SPATA9: variants seen among roughly 807,000 people sequenced by gnomAD.
SPATA9 encodes spermatogenesis-associated protein 9.
In SPATA9, 27 loss-of-function variants were observed where a neutral mutation model predicts 25.5. The observed-to-expected ratio is 1.06, with a 90% CI of 0.78 to 1.46. The LOEUF is 1.46. Among genes scored for constraint, SPATA9 ranks in the 40% most tolerant of loss-of-function variants. The pLI, the probability that SPATA9 is intolerant of heterozygous loss-of-function variation, is 0.00. For synonymous variants in SPATA9, 102 were observed against 105.7 expected (o/e 0.97, Z 0.21); for missense variants, 282 against 297.5 (o/e 0.95, Z 0.38).
At chr5:95,672,455 G>T (rs1169855595) in intron 3 of SPATA9, among the ~76,000 whole-genome samples, 22 of 143,214 alleles carry the variant, frequency 1.5e-4, no homozygotes, top group Non-Finnish European at 2.5e-4. Context: ...GCCAAAAGAG[G>T]TTTTTTTTTT....
At chr5:95,672,293 C>G (rs1356612191) in intron 3 of SPATA9, among the ~76,000 whole-genome samples, 3 of 152,036 alleles carry the variant, frequency 2.0e-5, no homozygotes, top group African/African-American at 7.2e-5. Flanking sequence ...ATTAGAATTC[C>G]AGGCTTTCCC....
chr5:95,717,604 T>G, the SPATA9 span: 5 of 152,202 alleles, frequency 3.3e-5, no homozygotes, highest in South Asian at 6.2e-4. Flanking sequence ...GAAAATATCC[T>G]GTCTCATTCT....
At chr5:95,667,971 G>T (rs1465051538) in intron 3 of SPATA9, among the ~76,000 whole-genome samples, 1 of 152,086 alleles carries the variant, frequency 6.6e-6, no homozygotes, top group Non-Finnish European at 1.5e-5. Context: ...TGAAGTGCTG[G>T]TTTCCCCTTT....
the SPATA9 span, among the ~76,000 whole-genome samples, chr5:95,711,892 C>T: frequency 6.6e-6 from 1 of 152,224 alleles, no homozygotes; most frequent in Non-Finnish European, 1.5e-5. Flanking sequence ...CGCCACACGG[C>T]TTGAACAATT....
At chr5:95,730,776 TG>T in the SPATA9 span, 3 of 401,220 alleles carry the variant, frequency 7.5e-6, no homozygotes, top group South Asian at 3.5e-5. Context: ...GCAAATTAAT[TG>T]GTGTGTGAAC....
the SPATA9 span, among the ~76,000 whole-genome samples, chr5:95,715,195 A>C: frequency 6.6e-6 from 1 of 151,890 alleles, no homozygotes; most frequent in Non-Finnish European, 1.5e-5. Context: ...GTGGTGGTGC[A>C]TGCCTGTAGT....
the SPATA9 span, chr5:95,719,888 TAA>T: frequency 6.6e-6 from 1 of 152,210 alleles, no homozygotes; most frequent in South Asian, 2.1e-4. Flanking sequence ...ATAGTTCTAA[TAA>T]AAGTGTTTAT....
the SPATA9 span, among the ~76,000 whole-genome samples, chr5:95,728,997 A>C: frequency 6.6e-6 from 1 of 152,220 alleles, no homozygotes; most frequent in African/African-American, 2.4e-5. Context: ...AAGTTACCCT[A>C]TATGGTCTAA....
chr5:95,728,600 A>G, the SPATA9 span, among the ~76,000 whole-genome samples: 1 of 152,294 alleles, frequency 6.6e-6, no homozygotes, highest in Non-Finnish European at 1.5e-5. Flanking sequence ...GCCTAGGTCT[A>G]GGAACTAGAA....
At chr5:95,720,335 C>T in the SPATA9 span, among the ~76,000 whole-genome samples, 17 of 151,376 alleles carry the variant, frequency 1.1e-4, no homozygotes, top group East Asian at 2.3e-3. Flanking sequence ...GATCAATTCA[C>T]TTCCTGCAAT....
At chr5:95,724,828 A>T in the SPATA9 span, among the ~76,000 whole-genome samples, 3 of 152,254 alleles carry the variant, frequency 2.0e-5, no homozygotes, top group South Asian at 2.1e-4. Context: ...GTGAGAATTA[A>T]ATGAGTCAAA....
chr5:95,665,456 C>T (rs919483100), intron 3 of SPATA9, among the ~76,000 whole-genome samples: 5 of 152,142 alleles, frequency 3.3e-5, no homozygotes, highest in African/African-American at 1.2e-4. Context: ...TAAAATTTCA[C>T]GTGTGGGTGA....
At chr5:95,685,815 C>T (rs1580352321), upstream of SPATA9, among the ~76,000 whole-genome samples, 1 of 152,040 alleles carries the variant, frequency 6.6e-6, no homozygotes, top group Admixed American at 6.6e-5. Flanking sequence ...AATTGTCAAT[C>T]CTCAATGATA....
chr5:95,731,384 T>G, the SPATA9 span: 2 of 1,164,026 alleles, frequency 1.7e-6, no homozygotes, highest in Non-Finnish European at 2.1e-6. Flanking sequence ...GAGAGGGGAC[T>G]GCGGTCAGCT....
intron 1 of SPATA9, among the ~76,000 whole-genome samples, chr5:95,698,157 G>A (rs1754083876): frequency 6.6e-6 from 1 of 152,112 alleles, no homozygotes; most frequent in Non-Finnish European, 1.5e-5. Flanking sequence ...AAATCACTGT[G>A]GGAAGGAATA....
At chr5:95,707,577 A>T in the SPATA9 span, among the ~76,000 whole-genome samples, 26 of 152,298 alleles carry the variant, frequency 1.7e-4, no homozygotes, top group Non-Finnish European at 3.5e-4. Flanking sequence ...TTCCAGGTGC[A>T]GGGGCTTTAA....
At chr5:95,705,937 A>G in the SPATA9 span, among the ~76,000 whole-genome samples, 4 of 152,194 alleles carry the variant, frequency 2.6e-5, no homozygotes, top group Non-Finnish European at 4.4e-5. Context: ...CTATCTCCTT[A>G]CTTTTCTGTT....
chr5:95,659,581 T>C (rs561205834), intron 4 of SPATA9: 3 of 152,232 alleles, frequency 2.0e-5, no homozygotes, highest in African/African-American at 7.2e-5. Flanking sequence ...GAACGGAAAA[T>C]TCATGAAATA....
rs115901740 is a variant in SPATA9 at position 95,673,254 on chromosome 5, C to T, written c.378+2158G>A. ...CTGTGTGCACAGGCAACATTTGGCC[C>T]ACATCACATTGCCCTAAGGAATTCA... On this transcript the variant is annotated intron_variant, in intron 3 of 4. Coordinates refer to ENST00000274432, the MANE Select transcript of SPATA9 (RefSeq NM_031952.4). Among the ~76,000 whole-genome samples, 1,258 of 152,196 alleles carry T rather than the reference C, an allele frequency of 8.3e-3. 19 individuals are homozygous for T. Among genetic ancestry groups the T allele is most frequent in the African/African-American group, 0.027 (1,128 of 41,516 alleles).
Sources: allele counts gnomAD v4.1 joint callset (sites outside exome capture counted in the v4.1 genomes callset), GRCh38; gene constraint gnomAD v4.1.1; transcripts MANE v1.5; gene names NCBI Gene and HGNC (gene_info 2026-07-23, HGNC 2026-07-21).